The following IDI1 variants were observed in gnomAD, a reference collection of about 807,000 sequenced individuals.
IDI1 encodes the protein isopentenyl-diphosphate delta isomerase 1, also known as isopentenyl-diphosphate Delta-isomerase 1.
A neutral mutation model predicts 32.9 loss-of-function variants in IDI1; 23 were observed. The ratio of observed to expected loss-of-function variants is 0.70; its 90% CI spans 0.50 to 0.99. IDI1 has a LOEUF of 0.99. Ranked by LOEUF, IDI1 falls within the 50% of genes least tolerant of loss-of-function variation. The pLI is 0.00. For synonymous variants in IDI1, 133 were observed against 128.2 expected (o/e 1.04, Z -0.25); for missense variants, 326 against 351.9 (o/e 0.93, Z 0.59).
upstream of IDI1, among the ~76,000 whole-genome samples, chr10:1,050,440 T>TAA (rs1832975841): frequency 1.3e-5 from 2 of 151,302 alleles, no homozygotes; most frequent in Admixed American, 1.3e-4. Flanking sequence ...TACCAGAGGC[T>TAA]AAAAAATAAG....
At chr10:1,049,207 T>A (rs1832911332), upstream of IDI1, 2 of 834,918 alleles carry the variant, frequency 2.4e-6, no homozygotes, top group East Asian at 3.3e-5. Flanking sequence ...GACTGGGCGG[T>A]GCCCGAGACC....
In IDI1 at chr10:1,048,936, A is replaced by T. The variant is rs1221637870; in HGVS notation, c.68T>A (p.Val23Glu). Residue 23 changes from valine to glutamate, a missense_variant, in exon 1 of 5, where the codon GTG (valine) becomes GAG (glutamate). Physicochemically the swap from Val to Glu is moderately radical, Grantham distance 121 (BLOSUM62 -2). Around this residue, in one of 2 missense-constraint regions of IDI1, gnomAD observed 121 missense variants for 78.4 expected, o/e 1.54. Coordinates refer to ENST00000381344, the MANE Select transcript of IDI1 (RefSeq NM_004508.4). ...GCTTTGAGCACAGTCTGCGGCGCGCACCGCCCACTGGCCCCGCCCCCGGGC... is the reference window on the plus strand; with the variant it reads ...GCTTTGAGCACAGTCTGCGGCGCGCTCCGCCCACTGGCCCCGCCCCCGGGC... Reference protein sequence around the residue: ...CAARGRGQWAVRAADCAQSGR... With the variant: ...CAARGRGQWAERAADCAQSGR... 6.3e-7 allele frequency: 1 copy of T among 1,588,662 alleles called. No individual in the cohort carries two copies. Among genetic ancestry groups the T allele is most frequent in the Admixed American group, 1.7e-5 (1 of 58,404 alleles).
rs1476939218 is a variant in IDI1 at position 1,044,240 on chromosome 10, A to T, written c.141-69T>A. 3.4e-6 allele frequency: 4 copies of T among 1,182,690 alleles called. No homozygotes were observed. In the African/African-American group the frequency reaches 4.6e-5, roughly 13 times the overall value. The allele number at this position is 1,182,690 out of a possible 1,614,324, so 73.3% of individuals were successfully genotyped here. On this transcript the variant is annotated intron_variant, in intron 1 of 4. Coordinates refer to ENST00000381344, the MANE Select transcript of IDI1 (RefSeq NM_004508.4). Reference sequence around the variant, plus strand: ...TCTGAATGTCATATAAACACAGGTTAATAATGATGCTGCTTCCCCATCTGC... The same window carrying T: ...TCTGAATGTCATATAAACACAGGTTTATAATGATGCTGCTTCCCCATCTGC...
upstream of IDI1, among the ~76,000 whole-genome samples, chr10:1,053,790 C>T (rs759883627): frequency 1.3e-5 from 2 of 150,582 alleles, no homozygotes; most frequent in East Asian, 2.0e-4. Context: ...AGTGCAGTGG[C>T]GTGATCACAG....
the IDI1 span, among the ~76,000 whole-genome samples, chr10:1,055,190 G>T: frequency 6.6e-6 from 1 of 152,162 alleles, no homozygotes; most frequent in Non-Finnish European, 1.5e-5. Context: ...GATTATTTTT[G>T]ACTTTTGACG....
At chr10:1,051,741 T>G (rs1273950371), upstream of IDI1, among the ~76,000 whole-genome samples, 1 of 152,220 alleles carries the variant, frequency 6.6e-6, no homozygotes, top group Non-Finnish European at 1.5e-5. Flanking sequence ...GGGTTTTGCC[T>G]CAATGTTGAT....
At chr10:1,055,842 G>A in the IDI1 span, among the ~76,000 whole-genome samples, 1 of 151,764 alleles carries the variant, frequency 6.6e-6, no homozygotes, top group South Asian at 2.1e-4. Flanking sequence ...ACGGAGGCTC[G>A]CTCTGTCCCA....
In IDI1 at chr10:1,044,850, G is replaced by A. The variant is rs145491053; in HGVS notation, c.141-679C>T. 2.3e-3 allele frequency among the ~76,000 whole-genome samples: 351 copies of A among 152,296 alleles called. 2 individuals carry two copies. Among genetic ancestry groups the A allele is most frequent in the African/African-American group, 7.5e-3 (313 of 41,562 alleles). ...ACTTAATTCGTTATATTCAATAGATGCTTTAAGGCAGTGCTTGGCAAGTTT... is the reference window on the plus strand; with the variant it reads ...ACTTAATTCGTTATATTCAATAGATACTTTAAGGCAGTGCTTGGCAAGTTT... On this transcript the variant is annotated intron_variant, in intron 1 of 4. Coordinates refer to ENST00000381344, the MANE Select transcript of IDI1 (RefSeq NM_004508.4).
upstream of IDI1, chr10:1,049,201 G>A: frequency 1.1e-6 from 1 of 918,618 alleles, no homozygotes; most frequent in Admixed American, 3.8e-5. Context: ...TCCCGCGACT[G>A]GGCGGTGCCC....
In IDI1 at chr10:1,048,882, C is replaced by G; in HGVS notation, c.122G>C (p.Cys41Ser). 6.2e-7 allele frequency: 1 copy of G among 1,605,228 alleles called. No individual in the cohort carries two copies. The highest frequency in any genetic ancestry group is 8.5e-7 in the Non-Finnish European group (1 of 1,176,452). ...SGRHPGPAVVCGRRLISVLEQ... is the reference protein window; with the variant it reads ...SGRHPGPAVVSGRRLISVLEQ... ...ACAGTACCTGATCAGCCTCCGGCCA[C>G]AGACAACCGCCGGTCCCGGATGGCG... The change falls in exon 1 of 5, where the codon TGT (cysteine) becomes TCT (serine). Residue 41 changes from cysteine to serine, a missense_variant. Physicochemically the swap from Cys to Ser is moderately radical, Grantham distance 112 (BLOSUM62 -1). This residue lies in a region of IDI1 where 121 missense variants were observed against 78.4 expected (regional missense o/e 1.54). Coordinates refer to ENST00000381344, the MANE Select transcript of IDI1 (RefSeq NM_004508.4).
upstream of IDI1, among the ~76,000 whole-genome samples, chr10:1,049,983 T>C (rs145096836): frequency 1.3e-5 from 2 of 152,160 alleles, no homozygotes; most frequent in African/African-American, 4.8e-5. Flanking sequence ...GTGAAATGTA[T>C]GCGCAGCTGA....
upstream of IDI1, among the ~76,000 whole-genome samples, chr10:1,054,102 T>C (rs1458437372): frequency 6.6e-6 from 1 of 152,204 alleles, no homozygotes; most frequent in Non-Finnish European, 1.5e-5. Context: ...TCACTATAAC[T>C]GATTTAATAA....
At chr10:1,044,205 C>G in intron 1 of IDI1, 34 bp from the exon 2 acceptor site, 1 of 1,543,342 alleles carries the variant, frequency 6.5e-7, no homozygotes. Context: ...GAAAGGCCAT[C>G]ATATATTTTT....
At chr10:1,053,427 G>A (rs534297083), upstream of IDI1, among the ~76,000 whole-genome samples, 271 of 152,376 alleles carry the variant, frequency 1.8e-3, no homozygotes, top group Non-Finnish European at 3.3e-3. Context: ...ACTGAAGAGA[G>A]TTAGGGCCTT....
upstream of IDI1, among the ~76,000 whole-genome samples, chr10:1,051,133 G>T (rs1833001435): frequency 6.6e-6 from 1 of 152,064 alleles, no homozygotes; most frequent in African/African-American, 2.4e-5. Context: ...GTCATGCATT[G>T]GTCATTTGGA....
At position 1,049,008 on chromosome 10, in the gene IDI1, C is replaced by G. The variant is rs1240753875; in HGVS notation, c.-5G>C. 2 of 1,486,498 alleles carry G rather than the reference C, an allele frequency of 1.3e-6. No homozygotes were observed. The highest frequency in any genetic ancestry group is 2.9e-5 in the African/African-American group (2 of 68,432). 92.1% of individuals were successfully genotyped at this position (1,486,498 alleles called of 1,614,324 possible). A position where few individuals can be genotyped will look rare whatever the true frequency, so the allele number is the denominator to read the frequency against. On this transcript the variant is annotated 5_prime_UTR_variant, in exon 1 of 5. Transcript: ENST00000381344. ...CAGCGCCAGTCCACGCCACATCGCC[C>G]GGCCAATTGGCGCCCGTACGCGCTT... is the stretch of plus-strand genomic sequence containing the variant.
chr10:1,049,463 T>TCTC (rs1832924800), upstream of IDI1: 1 of 74,576 alleles, frequency 1.3e-5, no homozygotes, highest in African/African-American at 4.5e-5. Flanking sequence ...GGTTGGGCAC[T>TCTC]CCCCCCCCTC....
At chr10:1,052,318 T>C (rs1341616241), upstream of IDI1, among the ~76,000 whole-genome samples, 1 of 152,256 alleles carries the variant, frequency 6.6e-6, no homozygotes, top group Admixed American at 6.5e-5. Flanking sequence ...GAGACCACTT[T>C]CTTTGTTCAT....
intron 4 of IDI1, 197 bp downstream of exon 4, chr10:1,042,435 A>G: frequency 1.8e-6 from 1 of 561,724 alleles, no homozygotes; most frequent in Non-Finnish European, 3.3e-6. Context: ...CCATCCCCGT[A>G]TTGAGCTAAG....
Sources: allele counts gnomAD v4.1 joint callset (sites outside exome capture counted in the v4.1 genomes callset), GRCh38; gene constraint gnomAD v4.1.1; regional missense constraint gnomAD v4.1.1; transcripts MANE v1.5; gene names NCBI Gene and HGNC (gene_info 2026-07-23, HGNC 2026-07-21).